Variants in MEF2A observed in about 807,000 individuals in gnomAD.
MEF2A encodes the protein myocyte-specific enhancer factor 2A.
Under a neutral mutation model 55.8 loss-of-function variants are expected in MEF2A, and 28 were observed. The observed-to-expected ratio is 0.50, with a 90% confidence interval of 0.37 to 0.69. MEF2A has a LOEUF of 0.69. MEF2A is among the 30% of genes least tolerant of loss of function. MEF2A has a pLI of 0.00. For missense variants in MEF2A, 528 were observed against 626.2 expected (o/e 0.84, Z 1.67); for synonymous variants, 239 against 227.1 (o/e 1.05, Z -0.47).
At chr15:99,625,307 C>T (rs1043940309) in intron 2 of MEF2A, among the ~76,000 whole-genome samples, 3 of 152,166 alleles carry the variant, frequency 2.0e-5, no homozygotes, top group Admixed American at 1.3e-4. Context: ...TGCTACTTTA[C>T]TAAATTTATT....
intron 1 of MEF2A, among the ~76,000 whole-genome samples, chr15:99,582,917 T>C (rs550963972): frequency 1.9e-4 from 29 of 152,260 alleles, no homozygotes; most frequent in Non-Finnish European, 3.2e-4. Flanking sequence ...TGTGCAATTC[T>C]TAGGGCAGTA....
intron 4 of MEF2A, among the ~76,000 whole-genome samples, chr15:99,661,870 T>A (rs1189785600): frequency 6.6e-6 from 1 of 152,104 alleles, no homozygotes; most frequent in East Asian, 1.9e-4. Context: ...TTCAAAAGAT[T>A]GAAGCCACTC....
intron 1 of MEF2A, among the ~76,000 whole-genome samples, chr15:99,580,510 C>T (rs1379017127): frequency 6.6e-6 from 1 of 152,094 alleles, no homozygotes; most frequent in Non-Finnish European, 1.5e-5. Context: ...CTAGAGTCTC[C>T]GGAAGGTATT....
intron 2 of MEF2A, among the ~76,000 whole-genome samples, chr15:99,630,671 G>C (rs1244771177): frequency 6.6e-6 from 1 of 152,152 alleles, no homozygotes; most frequent in Admixed American, 6.5e-5. Context: ...AATTACTTTT[G>C]CTACTGGTAT....
intron 11 of MEF2A, 47 bp downstream of exon 11, chr15:99,710,807 A>G (rs1233620012): frequency 2.5e-6 from 4 of 1,569,820 alleles, no homozygotes; most frequent in Non-Finnish European, 3.5e-6. Context: ...TGGCCTACAC[A>G]CTCTCTTTTC....
chr15:99,625,148 T>TAA (rs1208710693), intron 2 of MEF2A, among the ~76,000 whole-genome samples: 1 of 152,202 alleles, frequency 6.6e-6, no homozygotes, highest in Non-Finnish European at 1.5e-5. Context: ...ATTTTCAATT[T>TAA]ATGGTGGGTT....
chr15:99,658,492 A>G (rs1387895190), intron 4 of MEF2A, among the ~76,000 whole-genome samples: 1 of 152,038 alleles, frequency 6.6e-6, no homozygotes, highest in Non-Finnish European at 1.5e-5. Context: ...ACGGAAACAG[A>G]GAATCGGGTA....
At chr15:99,608,948 A>G (rs992146225) in intron 2 of MEF2A, among the ~76,000 whole-genome samples, 2 of 152,122 alleles carry the variant, frequency 1.3e-5, no homozygotes, top group Admixed American at 6.6e-5. Context: ...TTTTAGGCAA[A>G]GGTACCAGTA....
intron 8 of MEF2A, among the ~76,000 whole-genome samples, chr15:99,691,100 G>GTTTTTTTTTTT (rs3979130): frequency 8.1e-6 from 1 of 122,912 alleles, no homozygotes. Flanking sequence ...TTCGAATCAG[G>GTTTTTTTTTTT]TTTTTTTTTT....
At chr15:99,680,478 A>C (rs533667271) in intron 7 of MEF2A, among the ~76,000 whole-genome samples, 20 of 152,322 alleles carry the variant, frequency 1.3e-4, no homozygotes, top group Non-Finnish European at 1.5e-5. Context: ...AATTAGTAAC[A>C]ATCTTTCTGG....
intron 8 of MEF2A, among the ~76,000 whole-genome samples, chr15:99,696,306 A>T (rs911023827): frequency 3.9e-5 from 6 of 152,214 alleles, no homozygotes; most frequent in Non-Finnish European, 8.8e-5. Context: ...AGCAGAACAC[A>T]CACTTTTCAC....
At chr15:99,605,777 C>G (rs1297163228) in intron 2 of MEF2A, among the ~76,000 whole-genome samples, 3 of 151,760 alleles carry the variant, frequency 2.0e-5, no homozygotes, top group Non-Finnish European at 4.4e-5. Flanking sequence ...TCAAGACCAG[C>G]TTGGGCAACA....
intron 8 of MEF2A, among the ~76,000 whole-genome samples, chr15:99,694,287 A>G (rs892576239): frequency 1.3e-5 from 2 of 152,232 alleles, no homozygotes; most frequent in African/African-American, 4.8e-5. Context: ...GAGGTAGGCC[A>G]TAGAATTAAG....
chr15:99,668,722 G>A (rs1046269309), intron 4 of MEF2A, among the ~76,000 whole-genome samples: 7 of 152,196 alleles, frequency 4.6e-5, no homozygotes, highest in Non-Finnish European at 7.3e-5. Context: ...GAAAACTGAA[G>A]CTGGCCAGGA....
At chr15:99,660,928 A>G (rs571419479) in intron 4 of MEF2A, among the ~76,000 whole-genome samples, 1 of 152,336 alleles carries the variant, frequency 6.6e-6, no homozygotes, top group South Asian at 2.1e-4. Context: ...GTTCACAGAG[A>G]AAATAGAACA....
At position 99,703,379 on chromosome 15, in the gene MEF2A, G is replaced by A. The variant is rs1280625694; in HGVS notation, c.876G>A (p.Leu292=). The A allele has an allele frequency of 3.1e-6, 5 of 1,609,914 alleles. No individual in the cohort carries two copies. The highest frequency in any genetic ancestry group is 1.7e-4 in the Middle Eastern group (1 of 6,052). The part of the protein sequence containing the change: ...MMPPLSEEEE[L]ELNTQRISSS... ...GAGTACAGTCGGAGGAAGAGGAATTGGAGTTGGTGAGTGTGGGTTTCTGCT... is the reference window on the plus strand; with the variant it reads ...GAGTACAGTCGGAGGAAGAGGAATTAGAGTTGGTGAGTGTGGGTTTCTGCT... Residue 292 remains leucine, a synonymous_variant, in exon 9 of 12, where the codon TTG becomes TTA. Transcript: ENST00000557942.
chr15:99,639,618 C>G (rs2044524874), intron 3 of MEF2A, among the ~76,000 whole-genome samples: 1 of 152,138 alleles, frequency 6.6e-6, no homozygotes, highest in African/African-American at 2.4e-5. Context: ...CTGAGTATGT[C>G]CATCATCAGC....
intron 1 of MEF2A, among the ~76,000 whole-genome samples, chr15:99,567,077 T>C (rs1309920211): frequency 6.6e-6 from 1 of 152,344 alleles, no homozygotes; most frequent in Non-Finnish European, 1.5e-5. Context: ...AAAGTGTAAC[T>C]ATAGAATTGT....
Position 99,615,779 on chromosome 15 carries a change from T to C in MEF2A, c.-142-17199T>C, listed in dbSNP as rs185350234. Among the ~76,000 whole-genome samples the C allele has an allele frequency of 2.7e-4, 41 of 152,310 alleles. 1 individual carries two copies. In the East Asian group the frequency reaches 7.3e-3, roughly 27 times the overall value. The stretch of plus-strand genomic sequence containing the variant: ...GAGGGACCATTTATTAGTGAACTTT[T>C]ATGGAAGACCTGTGTATACTACACG... On this transcript the variant is annotated intron_variant, in intron 2 of 11. Transcript: ENST00000557942.
Sources: gnomAD v4.1 joint callset for allele counts (sites outside exome capture counted in the v4.1 genomes callset) on GRCh38, gnomAD v4.1.1 for gene constraint, MANE v1.5 for transcripts, NCBI Gene and HGNC (gene_info 2026-07-23, HGNC 2026-07-21) for gene names.